The following BPTF variants were observed in gnomAD, a reference collection of about 807,000 sequenced individuals.
BPTF encodes nucleosome-remodeling factor subunit BPTF.
A neutral mutation model predicts 292.5 loss-of-function variants in BPTF; 18 were observed. That is an observed-to-expected ratio of 0.06 (90% CI 0.04 to 0.09). The LOEUF (loss-of-function observed/expected upper bound fraction) is 0.09, where lower values mean the gene tolerates loss of function less well. BPTF is among the 10% of genes least tolerant of loss of function. The pLI, the probability that BPTF is intolerant of heterozygous loss-of-function variation, is 1.00. For missense variants in BPTF, 2,726 were observed against 3,498.7 expected (o/e 0.78, Z 5.57); for synonymous variants, 1,225 against 1,251.9 (o/e 0.98, Z 0.45).
chr17:67,877,279 C>T (rs763326289), intron 4 of BPTF, among the ~76,000 whole-genome samples: 3 of 152,206 alleles, frequency 2.0e-5, no homozygotes, highest in Non-Finnish European at 4.4e-5. Flanking sequence ...CTGCTTCCTT[C>T]TGTTTCTGTG....
chr17:67,894,360 G>A (rs1043509049), intron 7 of BPTF, among the ~76,000 whole-genome samples, 195 bp downstream of exon 7: 2 of 151,734 alleles, frequency 1.3e-5, no homozygotes, highest in African/African-American at 2.4e-5. Context: ...ACAGAGTCTT[G>A]CACTGTTGCC....
intron 7 of BPTF, among the ~76,000 whole-genome samples, chr17:67,900,269 T>C (rs1428783708): frequency 6.6e-6 from 1 of 152,022 alleles, no homozygotes; most frequent in African/African-American, 2.4e-5. Context: ...AATGCCCGGC[T>C]AATTTTCGTA....
rs2059074815 is a variant in BPTF, at chr17:67,861,381, A to G, written c.1437-5083A>G. ...TGAGATGGAGTCTCACTCAGGCTGG[A>G]CTGCAGTGGCCCAGTCTCAGCTCAC... is the stretch of plus-strand genomic sequence containing the variant. On this transcript the variant is annotated intron_variant, in intron 2 of 27. Coordinates refer to ENST00000306378, the MANE Select transcript of BPTF (RefSeq NM_182641.4). 2.1e-5 allele frequency among the ~76,000 whole-genome samples: 3 copies of G among 145,106 alleles called. No individual in the cohort carries two copies. The South Asian group carries it at 6.6e-4, about 32-fold the overall frequency.
intron 23 of BPTF, chr17:67,957,204 AC>A: frequency 6.6e-6 from 1 of 152,228 alleles, no homozygotes; most frequent in Non-Finnish European, 1.5e-5. Flanking sequence ...AATCACTTGA[AC>A]CCAGGAGGCA....
rs117301874 is a variant in BPTF, at chr17:67,943,944, G to A, written c.6478-206G>A. On this transcript the variant is annotated intron_variant, in intron 19 of 27. Coordinates refer to ENST00000306378, the MANE Select transcript of BPTF (RefSeq NM_182641.4). ...AACTGGCTGACCATTGGGGGAGCTT[G>A]AACTGGAACTCTGGATTGTTGATGT... Among the ~76,000 whole-genome samples, 255 of 152,244 alleles carry A rather than the reference G, an allele frequency of 1.7e-3. 10 individuals carry two copies. The East Asian group carries it at 0.038, about 23-fold the overall frequency.
intron 16 of BPTF, 105 bp downstream of exon 16, chr17:67,928,706 T>G: frequency 7.4e-7 from 1 of 1,353,398 alleles, no homozygotes; most frequent in Non-Finnish European, 9.9e-7. Flanking sequence ...TGTTTTTCTT[T>G]TGCAGCCAGT....
intron 23 of BPTF, among the ~76,000 whole-genome samples, chr17:67,952,497 A>G (rs1446490975): frequency 6.6e-6 from 1 of 152,050 alleles, no homozygotes; most frequent in African/African-American, 2.4e-5. Flanking sequence ...TCCTGACCTC[A>G]AGTGATCCTC....
intron 4 of BPTF, among the ~76,000 whole-genome samples, chr17:67,883,639 G>T (rs566302994): frequency 2.6e-5 from 4 of 152,170 alleles, no homozygotes; most frequent in Non-Finnish European, 5.9e-5. Context: ...TCACTCTGTT[G>T]CCCAGGCTGG....
In BPTF at chr17:67,945,413, A is replaced by G. The variant is rs144332682; in HGVS notation, c.6705A>G (p.Thr2235=). ...GTTCATCTTTCCTTTTTACAGGTAC[A>G]GGTGAACAAAGGCAGAGTAAACTGT... is the stretch of plus-strand genomic sequence containing the variant. ...TTTVSTTAAG[T]GEQRQSKLSP... Residue 2235 remains threonine, a synonymous_variant, in exon 21 of 28, where the codon ACA becomes ACG. Coordinates refer to ENST00000306378, the MANE Select transcript of BPTF (RefSeq NM_182641.4). 3.3e-5 allele frequency: 53 copies of G among 1,611,726 alleles called. No homozygotes were observed. The African/African-American group carries it at 6.0e-4, about 18-fold the overall frequency.
intron 19 of BPTF, among the ~76,000 whole-genome samples, chr17:67,942,501 G>A (rs975694515): frequency 6.6e-6 from 1 of 152,152 alleles, no homozygotes; most frequent in African/African-American, 2.4e-5. Context: ...ACATAGAGCA[G>A]AAAGAATTCT....
In BPTF at chr17:67,911,591, C is replaced by A. The variant is rs374907644; in HGVS notation, c.3707C>A (p.Pro1236Gln). 3 of 1,613,928 alleles carry A rather than the reference C, an allele frequency of 1.9e-6. No homozygotes were observed. Among genetic ancestry groups the A allele is most frequent in the Non-Finnish European group, 2.5e-6 (3 of 1,179,996 alleles). The change falls in exon 11 of 28, where the codon CCG (proline) becomes CAG (glutamine). Residue 1236 changes from proline to glutamine, a missense_variant. Transcript: ENST00000306378. ...IGTLICKNKK[P>Q]LIQEESDTIV... The stretch of plus-strand genomic sequence containing the variant: ...ACTTTGATCTGTAAGAACAAAAAAC[C>A]GCTCATACAGGAGGAAAGTGACACC...
chr17:67,855,546 C>T (rs1197737477), intron 2 of BPTF, among the ~76,000 whole-genome samples: 1 of 152,184 alleles, frequency 6.6e-6, no homozygotes, highest in African/African-American at 2.4e-5. Flanking sequence ...ATGATCCCAA[C>T]AGACTGAGGG....
In BPTF at chr17:67,912,936, A is replaced by G; in HGVS notation, c.5052A>G (p.Thr1684=). The G allele has an allele frequency of 6.2e-7, 1 of 1,614,256 alleles. No homozygotes were observed. Among genetic ancestry groups the G allele is most frequent in the East Asian group, 2.2e-5 (1 of 44,890 alleles). The change falls in exon 11 of 28, where the codon ACA becomes ACG. Residue 1684 remains threonine (T), a synonymous_variant. Coordinates refer to ENST00000306378, the MANE Select transcript of BPTF (RefSeq NM_182641.4). ...TSMTVSKEYS[T]RDKVKLMKFS... is the part of the protein sequence containing the mutation. Reference sequence around the variant, plus strand: ...TGACTGTGAGCAAAGAGTATTCCACACGAGACAAAGTGAAACTGATGAAAT... The same window carrying G: ...TGACTGTGAGCAAAGAGTATTCCACGCGAGACAAAGTGAAACTGATGAAAT...
At chr17:67,886,313 A>C (rs899883265) in intron 4 of BPTF, 1 of 1,601,960 alleles carries the variant, frequency 6.2e-7, no homozygotes, top group Non-Finnish European at 8.5e-7. Flanking sequence ...TCAGGAAGAG[A>C]TAGGTAAGAA....
chr17:67,881,138 G>T (rs1392884317), intron 4 of BPTF, among the ~76,000 whole-genome samples: 1 of 151,944 alleles, frequency 6.6e-6, no homozygotes, highest in Non-Finnish European at 1.5e-5. Flanking sequence ...AGAAAATTGG[G>T]CAGATTTCAT....
At chr17:67,951,139 C>T (rs1448201804) in intron 23 of BPTF, 2 of 152,110 alleles carry the variant, frequency 1.3e-5, no homozygotes, top group Non-Finnish European at 2.9e-5. Context: ...AGCTTCATTA[C>T]ATAGTCATTA....
intron 23 of BPTF, among the ~76,000 whole-genome samples, chr17:67,950,270 C>T (rs1354228958): frequency 6.6e-6 from 1 of 151,178 alleles, no homozygotes; most frequent in African/African-American, 2.4e-5. Flanking sequence ...CCGCCCCCAC[C>T]GCCAAAAAAA....
In BPTF at chr17:67,895,119, G is replaced by A. The variant is rs2061354858; in HGVS notation, c.2543+954G>A. Among the ~76,000 whole-genome samples the A allele has an allele frequency of 2.6e-5, 4 of 152,096 alleles. No homozygotes were observed. The South Asian group carries it at 8.3e-4, about 32-fold the overall frequency. On this transcript the variant is annotated intron_variant, in intron 7 of 27. Coordinates refer to ENST00000306378, the MANE Select transcript of BPTF (RefSeq NM_182641.4). ...GTTTTTAAAATATAAATACAAGCCA[G>A]GCACATGGGCTCAACTTCTGTAATC...
chr17:67,853,746 T>A (rs557933404), intron 1 of BPTF, among the ~76,000 whole-genome samples, 194 bp from the exon 2 acceptor site: 1 of 152,286 alleles, frequency 6.6e-6, no homozygotes, highest in African/African-American at 2.4e-5. Context: ...TATAATCTAA[T>A]GGGAAAACTT....
Sources: gnomAD v4.1 joint callset for allele counts (sites outside exome capture counted in the v4.1 genomes callset) on GRCh38, gnomAD v4.1.1 for gene constraint, MANE v1.5 for transcripts, NCBI Gene and HGNC (gene_info 2026-07-23, HGNC 2026-07-21) for gene names.